The following NPHP4 variants were observed in gnomAD, a reference collection of about 807,000 sequenced individuals.
The protein encoded by NPHP4 is nephrocystin-4.
Under a neutral mutation model 155.8 loss-of-function variants are expected in NPHP4, and 151 were observed. The ratio of observed to expected loss-of-function variants is 0.97; its 90% CI spans 0.85 to 1.11. The LOEUF is 1.11. NPHP4 is among the 50% of genes least tolerant of loss of function. The probability of loss-of-function intolerance (pLI) is 0.00; values close to 1 mark genes in which losing one functional copy is unlikely to be tolerated. For synonymous variants in NPHP4, 845 were observed against 816.8 expected (o/e 1.03, Z -0.59); for missense variants, 1,956 against 1,925.7 (o/e 1.02, Z -0.29).
At chr1:5,949,370 A>ACACACACACACACACACACACACACACAC (rs55949618) in intron 7 of NPHP4, among the ~76,000 whole-genome samples, 4 of 149,130 alleles carry the variant, frequency 2.7e-5, no homozygotes, top group South Asian at 2.1e-4. Flanking sequence ...ACACACACAC[A>ACACACACACACACACACACACACACACAC]ACTTGCTAAC....
In NPHP4 at chr1:5,890,934, G is replaced by A. The variant is rs756449736; in HGVS notation, c.2238C>T (p.Thr746=). The A allele has an allele frequency of 1.2e-5, 20 of 1,608,280 alleles. No individual in the cohort carries two copies. The African/African-American group carries it at 1.6e-4, about 13-fold the overall frequency. The change falls in exon 17 of 30, where the codon ACC becomes ACT. Residue 746 remains threonine, a synonymous_variant. Coordinates refer to ENST00000378156, the MANE Select transcript of NPHP4 (RefSeq NM_015102.5). The surrounding 1 kb of genome is among the most constrained non-coding windows in gnomAD (Gnocchi z 4.9). ...CTCCGTCCCAGACGTCAATCTGCAG[G>A]GTCTGCACGGCCAGGTAGCGGGCAA... ...RCFARYLAVQ[T]LQIDVWDGDS...
chr1:5,963,975 AC>A (rs1261480588), intron 5 of NPHP4, among the ~76,000 whole-genome samples: 1 of 152,138 alleles, frequency 6.6e-6, no homozygotes, highest in East Asian at 1.9e-4. Flanking sequence ...GGCGTGAACC[AC>A]CGCTCCTGGC....
chr1:5,892,977 C>A lies in NPHP4; in HGVS notation c.2144-1949G>T, dbSNP rs1644211284. ...AGTAATGGTAGAAACTAACCACTCT[C>A]CATTCAAAGGCAGATCCAGGCAACG... On this transcript the variant is annotated intron_variant, in intron 16 of 29. Transcript: ENST00000378156. The surrounding 1 kb of genome is among the most constrained non-coding windows in gnomAD (Gnocchi z 4.5). 6.6e-6 allele frequency among the ~76,000 whole-genome samples: 1 copy of A among 152,212 alleles called. No homozygotes were observed. Among genetic ancestry groups the A allele is most frequent in the Non-Finnish European group, 1.5e-5 (1 of 68,050 alleles).
rs540981002 is a variant in NPHP4 at position 5,882,851 on chromosome 1, C to T, written c.2486-2612G>A. On this transcript the variant is annotated intron_variant, in intron 18 of 29. Coordinates refer to ENST00000378156, the MANE Select transcript of NPHP4 (RefSeq NM_015102.5). The surrounding 1 kb of genome is among the most constrained non-coding windows in gnomAD (Gnocchi z 5.1). Reference sequence around the variant, plus strand: ...AGGCTGCAGAGCCTCTGCCCAAACACCCTCCTCTCGCCTGCCAGGAATCCG... The same window carrying T: ...AGGCTGCAGAGCCTCTGCCCAAACATCCTCCTCTCGCCTGCCAGGAATCCG... 6.6e-6 allele frequency: 1 copy of T among 152,322 alleles called. No homozygotes were observed. Among genetic ancestry groups the T allele is most frequent in the Non-Finnish European group, 1.5e-5 (1 of 68,116 alleles). 9.4% of individuals were successfully genotyped at this position (152,322 alleles called of 1,614,324 possible).
At position 5,910,559 on chromosome 1, in the gene NPHP4, C is replaced by T. The variant is rs749688604; in HGVS notation, c.1442-1346G>A. On this transcript the variant is annotated intron_variant, in intron 11 of 29. Transcript: ENST00000378156. This position sits in a 1 kb window ranked among gnomAD's most constrained non-coding sequence, Gnocchi z 5.4. ...AATTCCTATGGCACAGAGCACAGGC[C>T]GGCACTTACGGGACCTACGGACCAA... 7.2e-5 allele frequency among the ~76,000 whole-genome samples: 11 copies of T among 152,266 alleles called. No individual in the cohort carries two copies. The highest frequency in any genetic ancestry group is 2.1e-4 in the South Asian group (1 of 4,822).
At position 5,890,850 on chromosome 1, in the gene NPHP4, C is replaced by T; in HGVS notation, c.2304+18G>A. On this transcript the variant is annotated intron_variant, in intron 17 of 29. Transcript: ENST00000378156. The surrounding 1 kb of genome is among the most constrained non-coding windows in gnomAD (Gnocchi z 4.9). ...GGACGCAGCACCCACTGTGCCTGTC[C>T]TTCCAGAGAGCCGCTACCTTCATCT... is the stretch of plus-strand genomic sequence containing the variant. 1 of 1,603,174 alleles carries T rather than the reference C, an allele frequency of 6.2e-7. No individual in the cohort carries two copies. Among genetic ancestry groups the T allele is most frequent in the Non-Finnish European group, 8.5e-7 (1 of 1,173,108 alleles).
At chr1:5,991,718 C>A (rs1332563062) in intron 1 of NPHP4, among the ~76,000 whole-genome samples, 1 of 151,906 alleles carries the variant, frequency 6.6e-6, no homozygotes, top group South Asian at 2.1e-4. Flanking sequence ...CGCAGGGACG[C>A]CCGAAGGCCG....
In NPHP4 at chr1:5,944,697, C is replaced by T. The variant is rs150173097; in HGVS notation, c.1119+2407G>A. 5.7e-3 allele frequency among the ~76,000 whole-genome samples: 869 copies of T among 152,298 alleles called. 10 individuals are homozygous for T. The highest frequency in any genetic ancestry group is 0.019 in the African/African-American group (775 of 41,562). ...GAAAGTACCAATGACTGGCCGGGCGCGGTGGTTCACGTCTGGAACCTGAGC... is the reference window on the plus strand; with the variant it reads ...GAAAGTACCAATGACTGGCCGGGCGTGGTGGTTCACGTCTGGAACCTGAGC... On this transcript the variant is annotated intron_variant, in intron 9 of 29. Coordinates refer to ENST00000378156, the MANE Select transcript of NPHP4 (RefSeq NM_015102.5). The surrounding 1 kb of genome is among the most constrained non-coding windows in gnomAD (Gnocchi z 4.3).
In NPHP4 at chr1:5,964,941, A is replaced by AT. The variant is rs55734317; in HGVS notation, c.517+2357dup. ...ATTATATATATATATATATATATAT[A>AT]TTTTTTTTTTTTGAGGCAGGGTCTC... is the stretch of plus-strand genomic sequence containing the variant. On this transcript the variant is annotated intron_variant, in intron 5 of 29. Transcript: ENST00000378156. 5.9e-4 allele frequency among the ~76,000 whole-genome samples: 35 copies of AT among 59,416 alleles called. 3 individuals carry two copies. Among genetic ancestry groups the AT allele is most frequent in the South Asian group, 1.6e-3 (3 of 1,914 alleles). 39.0% of individuals were successfully genotyped at this position (59,416 alleles called of 152,430 possible).
chr1:5,869,961 C>T (rs1343831921), intron 23 of NPHP4, among the ~76,000 whole-genome samples: 7 of 152,208 alleles, frequency 4.6e-5, no homozygotes, highest in Admixed American at 6.5e-5. Context: ...TGCACATACA[C>T]GCACATATCT....
chr1:5,947,376 T>C (rs1035863838), intron 8 of NPHP4, 146 bp from the exon 9 acceptor site: 2 of 748,850 alleles, frequency 2.7e-6, no homozygotes, highest in African/African-American at 1.8e-5. Context: ...CATGTAACAC[T>C]GCACGCTCTC....
chr1:5,892,066 G>A lies in NPHP4; in HGVS notation c.2144-1038C>T, dbSNP rs1644159782. On this transcript the variant is annotated intron_variant, in intron 16 of 29. Coordinates refer to ENST00000378156, the MANE Select transcript of NPHP4 (RefSeq NM_015102.5). This position sits in a 1 kb window ranked among gnomAD's most constrained non-coding sequence, Gnocchi z 4.5. ...ATCTTGGGGCAGAAAGGCAAATAAG[G>A]AATCTGGAGGAAGACCAAGGAGGAG... Among the ~76,000 whole-genome samples the A allele has an allele frequency of 6.6e-6, 1 of 152,230 alleles. No homozygotes were observed. Among genetic ancestry groups the A allele is most frequent in the South Asian group, 2.1e-4 (1 of 4,830 alleles).
chr1:5,969,768 T>C (rs1452034403), intron 3 of NPHP4, among the ~76,000 whole-genome samples: 1 of 152,218 alleles, frequency 6.6e-6, no homozygotes, highest in East Asian at 1.9e-4. Flanking sequence ...CGATCACACC[T>C]TCCCAGTGCT....
chr1:5,875,352 C>T (rs1426304684), intron 20 of NPHP4, among the ~76,000 whole-genome samples: 1 of 152,186 alleles, frequency 6.6e-6, no homozygotes, highest in Non-Finnish European at 1.5e-5. Flanking sequence ...AGCATCCCTG[C>T]CTATTCCTGA....
At chr1:5,914,286 A>AAAAAAAAAAAAAAAAAAAAG (rs70977991) in intron 11 of NPHP4, among the ~76,000 whole-genome samples, 8 of 139,874 alleles carry the variant, frequency 5.7e-5, no homozygotes, top group African/African-American at 2.4e-4. Context: ...AAAAAAAAAA[A>AAAAAAAAAAAAAAAAAAAAG]GGCCTGGTGT....
chr1:5,951,751 A>G (rs1648114922), intron 7 of NPHP4, among the ~76,000 whole-genome samples: 1 of 152,234 alleles, frequency 6.6e-6, no homozygotes, highest in Non-Finnish European at 1.5e-5. Context: ...AAACCTGCAA[A>G]GGCTTTTCCA....
At chr1:5,970,170 T>C (rs1652304516) in intron 3 of NPHP4, among the ~76,000 whole-genome samples, 1 of 152,138 alleles carries the variant, frequency 6.6e-6, no homozygotes, top group Non-Finnish European at 1.5e-5. Context: ...CTGCTGCTGC[T>C]TTTCTATTGC....
intron 22 of NPHP4, 95 bp from the exon 23 acceptor site, chr1:5,873,430 C>A (rs1642220297): frequency 1.1e-6 from 1 of 917,212 alleles, no homozygotes; most frequent in Admixed American, 1.9e-5. Flanking sequence ...CAGCTGGGAG[C>A]CACCAGCCTC....
rs1227432539 is a variant in NPHP4 at position 5,948,213 on chromosome 1, C to G, written c.849G>C (p.Leu283=). ...GPLDGGALEI[L]ERRLRVGVHN... The stretch of plus-strand genomic sequence containing the variant: ...GCACGCCCACACGCAGGCGCCGCTC[C>G]AGGATCTCCAGGGCACCACCGTCCA... Residue 283 remains leucine (L), a synonymous_variant, in exon 8 of 30, where the codon CTG becomes CTC. Coordinates refer to ENST00000378156, the MANE Select transcript of NPHP4 (RefSeq NM_015102.5). The G allele has an allele frequency of 1.9e-6, 3 of 1,596,514 alleles. No homozygotes were observed. The highest frequency in any genetic ancestry group is 2.7e-5 in the African/African-American group (2 of 74,658).
Sources: gnomAD v4.1 joint callset for allele counts (sites outside exome capture counted in the v4.1 genomes callset) on GRCh38, gnomAD v4.1.1 for gene constraint, Gnocchi (gnomAD v3.1) non-coding constraint, MANE v1.5 for transcripts, NCBI Gene and HGNC (gene_info 2026-07-23, HGNC 2026-07-21) for gene names.